Variants in GRIK4 observed in about 807,000 individuals in gnomAD.
The protein encoded by GRIK4 is glutamate receptor ionotropic, kainate 4.
GRIK4 carries 40 observed loss-of-function variants against 104.9 expected under a neutral mutation model. The observed-to-expected ratio is 0.38, with a 90% confidence interval of 0.30 to 0.50. The LOEUF (loss-of-function observed/expected upper bound fraction) is 0.50. Ranked by LOEUF, GRIK4 falls within the 20% of genes least tolerant of loss-of-function variation. GRIK4 has a pLI of 0.93. For synonymous variants in GRIK4, 485 were observed against 524.9 expected, an observed-to-expected ratio of 0.92 and a Z score of 1.04; for missense variants, 1,047 against 1,308.1, an observed-to-expected ratio of 0.80 and a Z score of 3.08.
At chr11:120,985,763 T>C (rs1365668730) in intron 20 of GRIK4, 141 bp from the exon 21 acceptor site, 2 of 696,136 alleles carry the variant, frequency 2.9e-6, no homozygotes, top group South Asian at 1.9e-5. Context: ...GGAGATGGAC[T>C]GAAAGGCTTT....
chr11:120,694,370 G>A (rs1050691853), intron 3 of GRIK4, among the ~76,000 whole-genome samples: 2 of 152,208 alleles, frequency 1.3e-5, no homozygotes, highest in African/African-American at 4.8e-5. Context: ...TGTAGAATGA[G>A]ATGATCAGAA....
Position 120,940,445 on chromosome 11 carries a change from T to C in GRIK4, c.1575T>C (p.Leu525=), listed in dbSNP as rs1943696150. 2 of 1,596,716 alleles carry C rather than the reference T, an allele frequency of 1.3e-6. No individual in the cohort carries two copies. Among genetic ancestry groups the C allele is most frequent in the Non-Finnish European group, 1.7e-6 (2 of 1,164,298 alleles). ...KPFMTLGISI[L]YRVHMGRKPG... The stretch of plus-strand genomic sequence containing the variant: ...TCATGACTCTGGGAATTAGCATTCT[T>C]TACCGCGTTCATATGGTAAGAGACT... Residue 525 remains leucine (L), a synonymous_variant, in exon 14 of 21, where the codon CTT becomes CTC. Coordinates refer to ENST00000527524, the MANE Select transcript of GRIK4 (RefSeq NM_014619.5). This position sits in a 1 kb window ranked among gnomAD's most constrained non-coding sequence, Gnocchi z 4.3.
At chr11:120,725,861 G>C (rs1335386077) in intron 3 of GRIK4, among the ~76,000 whole-genome samples, 4 of 152,184 alleles carry the variant, frequency 2.6e-5, no homozygotes, top group African/African-American at 4.8e-5. Flanking sequence ...TTACATACCA[G>C]GTGTTATCCT....
At chr11:120,929,665 C>A (rs1943437849) in intron 13 of GRIK4, among the ~76,000 whole-genome samples, 1 of 152,168 alleles carries the variant, frequency 6.6e-6, no homozygotes, top group Non-Finnish European at 1.5e-5. Flanking sequence ...CCATTCCTTC[C>A]CGGGCTGTAA....
At chr11:120,751,433 GAAATAAAAT>G (rs1355201052) in intron 3 of GRIK4, among the ~76,000 whole-genome samples, 2 of 152,190 alleles carry the variant, frequency 1.3e-5, no homozygotes, top group East Asian at 1.9e-4. Context: ...GTAGCTTTAT[GAAATAAAAT>G]AAATAAAATA....
At chr11:120,570,321 C>T (rs1948381469) in intron 1 of GRIK4, among the ~76,000 whole-genome samples, 1 of 152,234 alleles carries the variant, frequency 6.6e-6, no homozygotes, top group Non-Finnish European at 1.5e-5. Flanking sequence ...TCCTGTCCCT[C>T]AACCTCCCTT....
At chr11:120,969,040 C>T (rs953122956) in intron 19 of GRIK4, among the ~76,000 whole-genome samples, 7 of 152,160 alleles carry the variant, frequency 4.6e-5, no homozygotes, top group African/African-American at 1.7e-4. Context: ...GCTAGCCATT[C>T]CATCAATAGG....
At chr11:120,663,068 C>G (rs1234450912) in intron 3 of GRIK4, among the ~76,000 whole-genome samples, 1 of 152,186 alleles carries the variant, frequency 6.6e-6, no homozygotes, top group Non-Finnish European at 1.5e-5. Flanking sequence ...TCCCCAAACT[C>G]TCACACATAT....
intron 1 of GRIK4, among the ~76,000 whole-genome samples, chr11:120,538,649 T>A (rs1161206571): frequency 2.0e-5 from 3 of 152,226 alleles, no homozygotes; most frequent in Non-Finnish European, 4.4e-5. Flanking sequence ...AGACGGGCCA[T>A]GTTCTCAGGG....
At chr11:120,856,957 C>G (rs1164554602) in intron 8 of GRIK4, among the ~76,000 whole-genome samples, 1 of 152,180 alleles carries the variant, frequency 6.6e-6, no homozygotes, top group Non-Finnish European at 1.5e-5. Flanking sequence ...ACCTCCCTTG[C>G]AGAAGCTGCC....
At chr11:120,802,495 TC>T (rs1952638670) in intron 3 of GRIK4, among the ~76,000 whole-genome samples, 197 bp from the exon 4 acceptor site, 1 of 152,086 alleles carries the variant, frequency 6.6e-6, no homozygotes, top group Non-Finnish European at 1.5e-5. Context: ...AGAATTCACT[TC>T]TACACCTGGC....
rs1420753304 is a variant in GRIK4 at position 120,513,681 on chromosome 11, C to T, written c.-159+1794C>T. Among the ~76,000 whole-genome samples, 5 of 152,178 alleles carry T rather than the reference C, an allele frequency of 3.3e-5. No individual in the cohort carries two copies. The highest frequency in any genetic ancestry group is 3.3e-4 in the Admixed American group (5 of 15,282). Reference sequence around the variant, plus strand: ...TTCCTTGTGGCCCGGGCTTGCCCACCAGCCTCCCGCCTGCCTCACCAGCTC... The same window carrying T: ...TTCCTTGTGGCCCGGGCTTGCCCACTAGCCTCCCGCCTGCCTCACCAGCTC... On this transcript the variant is annotated intron_variant, in intron 1 of 20. Coordinates refer to ENST00000527524, the MANE Select transcript of GRIK4 (RefSeq NM_014619.5). The surrounding 1 kb of genome is among the most constrained non-coding windows in gnomAD (Gnocchi z 4.5).
intron 20 of GRIK4, among the ~76,000 whole-genome samples, chr11:120,983,579 C>T (rs1944688393): frequency 6.6e-6 from 1 of 152,196 alleles, no homozygotes; most frequent in Non-Finnish European, 1.5e-5. Flanking sequence ...GTTGCTGTCT[C>T]CAGCTTTACT....
chr11:120,802,191 C>G (rs533888546), intron 3 of GRIK4, among the ~76,000 whole-genome samples: 2 of 152,334 alleles, frequency 1.3e-5, no homozygotes, highest in Non-Finnish European at 2.9e-5. Context: ...GTGTCAGAGC[C>G]TGGGGAGCCA....
At chr11:120,935,528 C>G (rs1035840518) in intron 13 of GRIK4, among the ~76,000 whole-genome samples, 2 of 152,004 alleles carry the variant, frequency 1.3e-5, no homozygotes, top group African/African-American at 4.8e-5. Flanking sequence ...GCAGCCTGGG[C>G]AAGACAGAGC....
chr11:120,652,479 T>G (rs927015770), intron 1 of GRIK4, among the ~76,000 whole-genome samples: 1 of 152,186 alleles, frequency 6.6e-6, no homozygotes, highest in Non-Finnish European at 1.5e-5. Flanking sequence ...CCACAGAGGC[T>G]GGAGCAGACT....
chr11:120,756,736 T>A (rs1242645407), intron 3 of GRIK4, among the ~76,000 whole-genome samples: 2 of 152,224 alleles, frequency 1.3e-5, no homozygotes, highest in Admixed American at 1.3e-4. Context: ...GACTCCTGGA[T>A]GTTTTTATTA....
At chr11:120,604,014 C>CA (rs1362221594) in intron 1 of GRIK4, among the ~76,000 whole-genome samples, 4 of 151,040 alleles carry the variant, frequency 2.6e-5, no homozygotes, top group Admixed American at 6.6e-5. Context: ...ACTAAAAATA[C>CA]AAAAAAAATT....
At position 120,902,676 on chromosome 11, in the gene GRIK4, C is replaced by T. The variant is rs921427809; in HGVS notation, c.1273-2614C>T. On this transcript the variant is annotated intron_variant, in intron 12 of 20. Transcript: ENST00000527524. This position sits in a 1 kb window ranked among gnomAD's most constrained non-coding sequence, Gnocchi z 4.5. The stretch of plus-strand genomic sequence containing the variant: ...CCACTCCCATTCTACCTAGAGCAGG[C>T]GCAAATCGGAAAACATTGGAGGGTG... 2.6e-5 allele frequency among the ~76,000 whole-genome samples: 4 copies of T among 152,136 alleles called. No homozygotes were observed. The highest frequency in any genetic ancestry group is 2.1e-4 in the South Asian group (1 of 4,816).
Sources: allele counts gnomAD v4.1 joint callset (sites outside exome capture counted in the v4.1 genomes callset), GRCh38; gene constraint gnomAD v4.1.1; non-coding constraint Gnocchi (gnomAD v3.1); transcripts MANE v1.5; gene names NCBI Gene and HGNC (gene_info 2026-07-23, HGNC 2026-07-21).